Variants in CDH23 observed in about 807,000 individuals in gnomAD.
CDH23 encodes cadherin related 23.
CDH23 carries 189 observed loss-of-function variants against 317.1 expected under a neutral mutation model. The observed-to-expected ratio is 0.60, with a 90% CI of 0.53 to 0.67. CDH23 has a LOEUF of 0.67. Ranked by LOEUF, CDH23 falls within the 30% of genes least tolerant of loss-of-function variation. The pLI, the probability that CDH23 is intolerant of heterozygous loss-of-function variation, is 0.00. For missense variants in CDH23, 4,401 were observed against 4,592.4 expected (o/e 0.96, Z 1.20); for synonymous variants, 1,839 against 1,876.8 (o/e 0.98, Z 0.52).
chr10:71,741,465 C>T (rs1309115859), intron 37 of CDH23, among the ~76,000 whole-genome samples: 1 of 152,236 alleles, frequency 6.6e-6, no homozygotes, highest in African/African-American at 2.4e-5. Context: ...CAGTACCTAA[C>T]TCACAGAGTT....
intron 2 of CDH23, among the ~76,000 whole-genome samples, chr10:71,445,777 G>A (rs951424435): frequency 6.7e-5 from 10 of 150,122 alleles, no homozygotes; most frequent in Non-Finnish European, 1.0e-4. Context: ...TAGCTTGGGT[G>A]GTCCGGCCTG....
At chr10:71,548,300 G>A (rs1323473777) in intron 6 of CDH23, among the ~76,000 whole-genome samples, 1 of 152,192 alleles carries the variant, frequency 6.6e-6, no homozygotes, top group Non-Finnish European at 1.5e-5. Flanking sequence ...CGTGGTGGAG[G>A]GGGGTGATGG....
chr10:71,430,066 T>G (rs577259288), intron 1 of CDH23, among the ~76,000 whole-genome samples: 103 of 152,084 alleles, frequency 6.8e-4, no homozygotes, highest in African/African-American at 2.3e-3. Context: ...AGCCACAGGG[T>G]CAGGGCACAG....
Position 71,810,576 on chromosome 10 carries a change from C to G in CDH23, c.9077+7C>G. 2 of 1,613,416 alleles carry G rather than the reference C, an allele frequency of 1.2e-6. No homozygotes were observed. The highest frequency in any genetic ancestry group is 1.7e-6 in the Non-Finnish European group (2 of 1,179,440). Reference sequence around the variant, plus strand: ...GCATCCTGGACGTGGACCGGTGAGTCGGGGCCTGTGTTTGGACTGTCAGCC... The same window carrying G: ...GCATCCTGGACGTGGACCGGTGAGTGGGGGCCTGTGTTTGGACTGTCAGCC... On this transcript the variant is annotated splice_region_variant and intron_variant, in intron 62 of 69. Transcript: ENST00000224721.
intron 9 of CDH23, among the ~76,000 whole-genome samples, chr10:71,579,830 C>G (rs1858499904): frequency 6.6e-6 from 1 of 152,192 alleles, no homozygotes; most frequent in Admixed American, 6.5e-5. Flanking sequence ...TGACCAGGGG[C>G]TTGTGCTGGA....
At chr10:71,552,314 G>A (rs887557200) in intron 6 of CDH23, among the ~76,000 whole-genome samples, 3 of 152,104 alleles carry the variant, frequency 2.0e-5, no homozygotes, top group African/African-American at 7.2e-5. Context: ...AGAGCTGGAG[G>A]GACAGGGCAA....
intron 9 of CDH23, among the ~76,000 whole-genome samples, chr10:71,600,534 T>G (rs1860147468): frequency 1.3e-5 from 2 of 150,134 alleles, no homozygotes; most frequent in African/African-American, 4.9e-5. Flanking sequence ...TTTTTTTTTT[T>G]TGAGACGGAG....
chr10:71,556,682 A>G (rs575622685), intron 6 of CDH23, among the ~76,000 whole-genome samples: 1 of 152,352 alleles, frequency 6.6e-6, no homozygotes, highest in East Asian at 1.9e-4. Context: ...CCTTTATCAA[A>G]GTAATATATG....
intron 50 of CDH23, 103 bp downstream of exon 50, chr10:71,798,681 GC>G: frequency 1.1e-6 from 1 of 920,906 alleles, no homozygotes; most frequent in Non-Finnish European, 1.6e-6. Context: ...AGTGGACTGG[GC>G]CAGATCCAAG....
intron 34 of CDH23, among the ~76,000 whole-genome samples, chr10:71,735,451 C>T (rs1295063988): frequency 2.0e-5 from 3 of 152,102 alleles, no homozygotes; most frequent in Non-Finnish European, 4.4e-5. Context: ...GGAGTGGGTC[C>T]AGGGCCAGCT....
At chr10:71,618,772 A>C (rs1174490701) in intron 11 of CDH23, among the ~76,000 whole-genome samples, 1 of 151,848 alleles carries the variant, frequency 6.6e-6, no homozygotes, top group Non-Finnish European at 1.5e-5. Flanking sequence ...TGGTCCCCCC[A>C]AGGACTCAGG....
At chr10:71,641,417 T>C (rs1862546248) in intron 11 of CDH23, among the ~76,000 whole-genome samples, 1 of 152,168 alleles carries the variant, frequency 6.6e-6, no homozygotes, top group Non-Finnish European at 1.5e-5. Flanking sequence ...TCCGTCTCGC[T>C]CATGGAAATA....
intron 14 of CDH23, among the ~76,000 whole-genome samples, chr10:71,660,888 C>G: frequency 6.6e-6 from 1 of 152,164 alleles, no homozygotes; most frequent in Admixed American, 6.5e-5. Context: ...CTGACACAGA[C>G]CAGGTGCTAA....
At chr10:71,662,468 G>A (rs1863716270) in intron 14 of CDH23, among the ~76,000 whole-genome samples, 1 of 152,164 alleles carries the variant, frequency 6.6e-6, no homozygotes, top group African/African-American at 2.4e-5. Context: ...GAGGGAGGGT[G>A]TCAGACTTAT....
rs1841326406 is a variant in CDH23, at chr10:71,793,655, A to AC, written c.6712+19dup. 1 of 1,521,986 alleles carries AC rather than the reference A, an allele frequency of 6.6e-7. No homozygotes were observed. The highest frequency in any genetic ancestry group is 8.9e-7 in the Non-Finnish European group (1 of 1,128,568). The allele number at this position is 1,521,986 out of a possible 1,614,324, so 94.3% of individuals were successfully genotyped here. On this transcript the variant is annotated intron_variant, in intron 48 of 69. Coordinates refer to ENST00000224721, the MANE Select transcript of CDH23 (RefSeq NM_022124.6). ...TATCAACACAGGTACAAGGGCCTGC[A>AC]CCCCTCCCACCTCCCTCCCAGCTCC...
At chr10:71,496,375 TG>T (rs1852968607) in intron 3 of CDH23, among the ~76,000 whole-genome samples, 1 of 151,950 alleles carries the variant, frequency 6.6e-6, no homozygotes, top group South Asian at 2.1e-4. Context: ...TGGCCTAAGC[TG>T]AATGTGCCTG....
chr10:71,634,362 C>T (rs1862160864), intron 11 of CDH23, among the ~76,000 whole-genome samples: 1 of 152,242 alleles, frequency 6.6e-6, no homozygotes, highest in South Asian at 2.1e-4. Flanking sequence ...TCTGAAAACA[C>T]TTACACCCCA....
chr10:71,530,230 T>C (rs1441176801), intron 6 of CDH23, among the ~76,000 whole-genome samples: 8 of 152,160 alleles, frequency 5.3e-5, no homozygotes, highest in Non-Finnish European at 1.0e-4. Flanking sequence ...TACACAGGAC[T>C]CCACTGGCAT....
Position 71,763,263 on chromosome 10 carries a change from C to A in CDH23, c.4846-14417C>A, listed in dbSNP as rs1265147271. 2.0e-5 allele frequency among the ~76,000 whole-genome samples: 3 copies of A among 152,368 alleles called. No individual in the cohort carries two copies. The East Asian group carries it at 5.8e-4, about 29-fold the overall frequency. On this transcript the variant is annotated intron_variant, in intron 38 of 69. Coordinates refer to ENST00000224721, the MANE Select transcript of CDH23 (RefSeq NM_022124.6). ...CTTCAAGCAATTCTCCTGCCTTGGC[C>A]TCTCAAAGTCTTGGGATTACAAGTG...
Sources: allele counts gnomAD v4.1 joint callset (sites outside exome capture counted in the v4.1 genomes callset), GRCh38; gene constraint gnomAD v4.1.1; transcripts MANE v1.5; gene names NCBI Gene and HGNC (gene_info 2026-07-23, HGNC 2026-07-21).